The following HCN1 variants were observed in gnomAD, a reference collection of about 807,000 sequenced individuals.
HCN1 encodes hyperpolarization activated cyclic nucleotide gated potassium channel 1.
In HCN1, 13 loss-of-function variants were observed where a neutral mutation model predicts 78.9. The ratio of observed to expected loss-of-function variants is 0.16; its 90% confidence interval spans 0.11 to 0.26. The LOEUF (loss-of-function observed/expected upper bound fraction) is 0.26. Ranked by LOEUF, HCN1 falls within the 10% of genes least tolerant of loss-of-function variation. The probability of loss-of-function intolerance (pLI) is 1.00; values close to 1 mark genes in which losing one functional copy is unlikely to be tolerated. For missense variants in HCN1, 810 were observed against 1,154.3 expected, an observed-to-expected ratio of 0.70 and a Z score of 4.32; for synonymous variants, 552 against 455.5, an observed-to-expected ratio of 1.21 and a Z score of -2.70.
intron 6 of HCN1, among the ~76,000 whole-genome samples, chr5:45,295,584 G>A (rs751034934): frequency 6.6e-6 from 1 of 151,976 alleles, no homozygotes; most frequent in African/African-American, 2.4e-5. Flanking sequence ...CTGCATTATT[G>A]TAGATATAAA....
intron 2 of HCN1, among the ~76,000 whole-genome samples, chr5:45,496,865 C>T (rs1013274997): frequency 1.3e-5 from 2 of 152,174 alleles, no homozygotes; most frequent in Admixed American, 6.5e-5. Flanking sequence ...CCTCTACACA[C>T]TGCTTTGAAT....
chr5:45,583,376 C>T (rs1744129953), intron 2 of HCN1, among the ~76,000 whole-genome samples: 2 of 152,118 alleles, frequency 1.3e-5, no homozygotes, highest in Admixed American at 6.5e-5. Context: ...GTGACATCCC[C>T]TTTATCATTT....
intron 2 of HCN1, among the ~76,000 whole-genome samples, chr5:45,547,159 CTT>C (rs1743247436): frequency 1.3e-5 from 2 of 151,854 alleles, no homozygotes; most frequent in African/African-American, 4.8e-5. Context: ...AATTGTTAAT[CTT>C]TTAATAGATC....
chr5:45,473,651 G>A (rs1387175887), intron 2 of HCN1, among the ~76,000 whole-genome samples: 3 of 150,276 alleles, frequency 2.0e-5, no homozygotes. Flanking sequence ...AGGACTCTAT[G>A]TCTGTTTTTC....
At chr5:45,422,679 T>C (rs954921106) in intron 3 of HCN1, among the ~76,000 whole-genome samples, 6 of 152,206 alleles carry the variant, frequency 3.9e-5, no homozygotes, top group Non-Finnish European at 8.8e-5. Flanking sequence ...TCTAAACTAA[T>C]CAAACCATTT....
At chr5:45,640,974 A>G (rs1745444092) in intron 2 of HCN1, among the ~76,000 whole-genome samples, 1 of 152,100 alleles carries the variant, frequency 6.6e-6, no homozygotes, top group African/African-American at 2.4e-5. Flanking sequence ...AACAGAAAAG[A>G]GTTGGGTGCA....
chr5:45,284,632 T>C (rs1201838991), intron 6 of HCN1, among the ~76,000 whole-genome samples: 1 of 152,122 alleles, frequency 6.6e-6, no homozygotes, highest in Non-Finnish European at 1.5e-5. Context: ...ACTTCAGCCT[T>C]CTTGCTGAGA....
chr5:45,304,513 T>A (rs773265404), intron 5 of HCN1, among the ~76,000 whole-genome samples: 1 of 151,894 alleles, frequency 6.6e-6, no homozygotes, highest in Non-Finnish European at 1.5e-5. Context: ...CTGTCTCTAC[T>A]AAAAATACAA....
chr5:45,314,532 T>A (rs1314261010), intron 5 of HCN1, among the ~76,000 whole-genome samples: 1 of 152,132 alleles, frequency 6.6e-6, no homozygotes, highest in East Asian at 1.9e-4. Flanking sequence ...TAAATGTAAA[T>A]GGGCTAAATG....
At chr5:45,347,392 G>A (rs1437227580) in intron 5 of HCN1, among the ~76,000 whole-genome samples, 3 of 152,096 alleles carry the variant, frequency 2.0e-5, no homozygotes, top group African/African-American at 7.2e-5. Flanking sequence ...AAGAACAAAA[G>A]TCGATAAAAC....
intron 3 of HCN1, among the ~76,000 whole-genome samples, chr5:45,407,530 A>AT (rs1304358113): frequency 6.6e-6 from 1 of 151,870 alleles, no homozygotes; most frequent in Non-Finnish European, 1.5e-5. Context: ...TTTTATTTTT[A>AT]TTTTTTTAGA....
chr5:45,618,531 C>T (rs984980308), intron 2 of HCN1, among the ~76,000 whole-genome samples: 4 of 151,934 alleles, frequency 2.6e-5, no homozygotes, highest in Admixed American at 2.0e-4. Context: ...GTGAGAATAA[C>T]GGATTTGAAA....
intron 2 of HCN1, among the ~76,000 whole-genome samples, chr5:45,520,155 TTGTTTTGCTTAGCC>T (rs1331377118): frequency 6.6e-6 from 1 of 152,056 alleles, no homozygotes; most frequent in Non-Finnish European, 1.5e-5. Flanking sequence ...CTCATCTATA[TTGTTTTGCTTAGCC>T]TGCTCCCATT....
chr5:45,549,142 T>A (rs376010744), intron 2 of HCN1, among the ~76,000 whole-genome samples: 225 of 142,658 alleles, frequency 1.6e-3, no homozygotes, highest in South Asian at 4.0e-3. Context: ...ATTGGAAAAA[T>A]CTACTTTAAA....
rs1000346481 is a variant in HCN1, at chr5:45,350,004, A to G, written c.1377+3096T>C. On this transcript the variant is annotated intron_variant, in intron 5 of 7. Transcript: ENST00000303230. ...ATTCCAATCAATAGAAAAAGAGGGA[A>G]TCCTCCCTAATTCATTTTGTGAGGA... 3.3e-5 allele frequency among the ~76,000 whole-genome samples: 5 copies of G among 152,188 alleles called. No homozygotes were observed. The East Asian group carries it at 5.8e-4, about 18-fold the overall frequency.
intron 6 of HCN1, 28 bp from the exon 7 acceptor site, chr5:45,267,281 G>C (rs1379921953): frequency 6.2e-7 from 1 of 1,606,874 alleles, no homozygotes; most frequent in African/African-American, 1.3e-5. Context: ...AAAGAAGAAT[G>C]ACTTGTTTGA....
chr5:45,669,060 CTCTA>C (rs755319453), intron 1 of HCN1, among the ~76,000 whole-genome samples: 2 of 151,940 alleles, frequency 1.3e-5, no homozygotes, highest in African/African-American at 4.8e-5. Flanking sequence ...TGTTCTAGGT[CTCTA>C]TCTCATTCCT....
At chr5:45,683,664 T>C (rs1047849087) in intron 1 of HCN1, among the ~76,000 whole-genome samples, 2 of 151,692 alleles carry the variant, frequency 1.3e-5, no homozygotes, top group Non-Finnish European at 2.9e-5. Context: ...CACACACATA[T>C]GTTTTGTCTT....
intron 5 of HCN1, among the ~76,000 whole-genome samples, chr5:45,351,927 C>A (rs908446707): frequency 4.6e-5 from 7 of 151,924 alleles, no homozygotes; most frequent in South Asian, 2.1e-4. Context: ...ACACTGTTGG[C>A]GGGACTGTAA....
Sources: gnomAD v4.1 joint callset for allele counts (sites outside exome capture counted in the v4.1 genomes callset) on GRCh38, gnomAD v4.1.1 for gene constraint, MANE v1.5 for transcripts, NCBI Gene and HGNC (gene_info 2026-07-23, HGNC 2026-07-21) for gene names.